PCDHA10: variants seen among roughly 807,000 people sequenced by gnomAD.
PCDHA10 encodes protocadherin alpha 10.
In PCDHA10, 45 loss-of-function variants were observed where a neutral mutation model predicts 61.2. The observed-to-expected ratio is 0.74, with a 90% CI of 0.58 to 0.94. The LOEUF is 0.94. PCDHA10 is among the 40% of genes least tolerant of loss of function. The pLI, the probability that PCDHA10 is intolerant of heterozygous loss-of-function variation, is 0.00. For synonymous variants in PCDHA10, 602 were observed against 548.8 expected, an observed-to-expected ratio of 1.10 and a Z score of -1.35; for missense variants, 1,278 against 1,236.2, an observed-to-expected ratio of 1.03 and a Z score of -0.51.
Position 140,968,209 on chromosome 5 carries a change from C to A in PCDHA10, c.2389-10740C>A, listed in dbSNP as rs781795931. The A allele has an allele frequency of 2.5e-6, 4 of 1,613,884 alleles. No homozygotes were observed. In the African/African-American group the frequency reaches 4.0e-5, roughly 16 times the overall value. Reference sequence around the variant, plus strand: ...CCTATTCCATCTACATACAGGAGAACAATTTGCCAGGTGTGTTGCTCTGTA... The same window carrying A: ...CCTATTCCATCTACATACAGGAGAAAAATTTGCCAGGTGTGTTGCTCTGTA... On this transcript the variant is annotated intron_variant, in intron 1 of 3. Coordinates refer to ENST00000307360, the MANE Select transcript of PCDHA10 (RefSeq NM_018901.4).
At chr5:140,863,216 C>A (rs781920741) in intron 1 of PCDHA10, 5 of 1,084,226 alleles carry the variant, frequency 4.6e-6, no homozygotes, top group African/African-American at 1.6e-5. Context: ...AGCAGCCAAG[C>A]GAGGAAGGTC....
intron 1 of PCDHA10, among the ~76,000 whole-genome samples, chr5:140,894,197 A>G (rs1378272032): frequency 6.6e-6 from 1 of 152,008 alleles, no homozygotes; most frequent in Admixed American, 6.6e-5. Context: ...TATTTTTTCT[A>G]TGCTATTATA....
chr5:140,896,242 C>T (rs1228427310), intron 1 of PCDHA10, among the ~76,000 whole-genome samples: 2 of 152,154 alleles, frequency 1.3e-5, no homozygotes, highest in Non-Finnish European at 2.9e-5. Flanking sequence ...GACTTATATT[C>T]CTTTGGTTAT....
intron 1 of PCDHA10, among the ~76,000 whole-genome samples, chr5:140,887,774 C>G (rs2061572628): frequency 6.6e-6 from 1 of 152,168 alleles, no homozygotes; most frequent in Non-Finnish European, 1.5e-5. Context: ...TACAATGACA[C>G]AGGTCATTGA....
intron 1 of PCDHA10, chr5:140,866,843 TAAC>T (rs1212569386): frequency 2.6e-5 from 4 of 152,142 alleles, no homozygotes; most frequent in African/African-American, 9.7e-5. Flanking sequence ...CAAAATCAGT[TAAC>T]AATAACTGTA....
intron 1 of PCDHA10, among the ~76,000 whole-genome samples, chr5:140,871,818 A>G (rs2053326422): frequency 6.6e-6 from 1 of 152,250 alleles, no homozygotes; most frequent in South Asian, 2.1e-4. Flanking sequence ...TAAAGTACCC[A>G]TGCCCCTTCA....
chr5:140,952,471 A>AAAGT (rs1205705150), intron 1 of PCDHA10, among the ~76,000 whole-genome samples: 2 of 152,204 alleles, frequency 1.3e-5, no homozygotes, highest in Non-Finnish European at 2.9e-5. Context: ...AAGCATAAGG[A>AAAGT]AAGTGACATT....
intron 3 of PCDHA10, among the ~76,000 whole-genome samples, chr5:140,985,060 C>A (rs1377386395): frequency 6.6e-6 from 1 of 152,066 alleles, no homozygotes; most frequent in Admixed American, 6.5e-5. Flanking sequence ...GCCTCAGCCT[C>A]CTGAGTAGCT....
At chr5:140,986,163 G>A (rs1186387690) in intron 3 of PCDHA10, among the ~76,000 whole-genome samples, 1 of 152,212 alleles carries the variant, frequency 6.6e-6, no homozygotes, top group African/African-American at 2.4e-5. Flanking sequence ...AATGTTTTCT[G>A]CAGGATAAAC....
intron 1 of PCDHA10, among the ~76,000 whole-genome samples, chr5:140,942,993 AT>A (rs1228666837): frequency 3.3e-5 from 5 of 152,166 alleles, no homozygotes; most frequent in African/African-American, 1.2e-4. Context: ...GTGGTGGCTC[AT>A]GCCTGTAATC....
At chr5:140,913,003 T>C (rs1049022016) in intron 1 of PCDHA10, among the ~76,000 whole-genome samples, 29 of 152,204 alleles carry the variant, frequency 1.9e-4, no homozygotes, top group African/African-American at 7.0e-4. Flanking sequence ...TAGTATTTTG[T>C]TGAGGATTTT....
chr5:140,927,484 A>G (rs1554204601), intron 1 of PCDHA10: 2 of 1,613,906 alleles, frequency 1.2e-6, no homozygotes, highest in East Asian at 2.2e-5. Flanking sequence ...ACAGCGCGCC[A>G]CCCACCTGCT....
chr5:140,949,053 C>T (rs2094339991), intron 1 of PCDHA10, among the ~76,000 whole-genome samples: 1 of 151,694 alleles, frequency 6.6e-6, no homozygotes, highest in Admixed American at 6.6e-5. Flanking sequence ...TTCTAATTTC[C>T]ATTATGATTT....
chr5:140,987,263 G>C (rs1034230893), intron 3 of PCDHA10, among the ~76,000 whole-genome samples: 14 of 151,908 alleles, frequency 9.2e-5, no homozygotes, highest in Non-Finnish European at 1.8e-4. Context: ...CTCAGGAATG[G>C]GACCCGGCAG....
intron 3 of PCDHA10, 32 bp downstream of exon 3, chr5:140,982,595 G>A (rs1554244629): frequency 6.2e-7 from 1 of 1,609,520 alleles, no homozygotes; most frequent in Non-Finnish European, 8.5e-7. Flanking sequence ...ATTCTTTCTT[G>A]GTTTCTGGAA....
At chr5:140,866,639 A>G (rs782198143) in intron 1 of PCDHA10, 1 of 152,148 alleles carries the variant, frequency 6.6e-6, no homozygotes, top group Non-Finnish European at 1.5e-5. Flanking sequence ...CAACGGTGTC[A>G]AAATTTATTT....
At chr5:140,983,379 C>T (rs1169260784) in intron 3 of PCDHA10, among the ~76,000 whole-genome samples, 1 of 152,162 alleles carries the variant, frequency 6.6e-6, no homozygotes, top group Non-Finnish European at 1.5e-5. Context: ...AGGCCCATCG[C>T]TGTGGCAGTT....
At chr5:140,975,823 G>A (rs1239122577) in intron 1 of PCDHA10, among the ~76,000 whole-genome samples, 2 of 152,164 alleles carry the variant, frequency 1.3e-5, no homozygotes, top group Non-Finnish European at 2.9e-5. Context: ...AGGAACTGAA[G>A]TGTATTCTTA....
rs377328620 is a variant in PCDHA10 at position 140,928,577 on chromosome 5, A to G, written c.2389-50372A>G. On this transcript the variant is annotated intron_variant, in intron 1 of 3. Coordinates refer to ENST00000307360, the MANE Select transcript of PCDHA10 (RefSeq NM_018901.4). ...GTTATCTTGTTTCCCTTGCCCAGAA[A>G]TGGTTCTGTCCCAGTGGAAATTGTG... is the stretch of plus-strand genomic sequence containing the variant. The G allele has an allele frequency of 3.7e-6, 6 of 1,614,070 alleles. No homozygotes were observed. The African/African-American group carries it at 6.7e-5, about 18-fold the overall frequency.
Sources: allele counts gnomAD v4.1 joint callset (sites outside exome capture counted in the v4.1 genomes callset), GRCh38; gene constraint gnomAD v4.1.1; transcripts MANE v1.5; gene names NCBI Gene and HGNC (gene_info 2026-07-23, HGNC 2026-07-21).